Variants in IQSEC1 observed in about 807,000 individuals in gnomAD.
IQSEC1 encodes IQ motif and SEC7 domain-containing protein 1.
IQSEC1 carries 31 observed loss-of-function variants against 91.0 expected under a neutral mutation model. The ratio of observed to expected loss-of-function variants is 0.34; its 90% CI spans 0.26 to 0.46. The LOEUF is 0.46. Ranked by LOEUF, IQSEC1 falls within the 20% of genes least tolerant of loss-of-function variation. IQSEC1 has a pLI of 1.00. For missense variants in IQSEC1, 1,388 were observed against 1,575.6 expected, an observed-to-expected ratio of 0.88 and a Z score of 2.02; for synonymous variants, 699 against 662.6, an observed-to-expected ratio of 1.05 and a Z score of -0.84.
Position 12,922,240 on chromosome 3 carries a change from C to A in IQSEC1, c.1733G>T (p.Cys578Phe). 6.3e-7 allele frequency: 1 copy of A among 1,586,848 alleles called. No homozygotes were observed. The highest frequency in any genetic ancestry group is 1.1e-5 in the South Asian group (1 of 89,592). The change falls in exon 5 of 14, where the codon TGC becomes TTC. Residue 578 changes from cysteine to phenylalanine, a missense_variant and splice_region_variant. Around this residue, in one of 2 missense-constraint regions of IQSEC1, gnomAD observed 1,059 missense variants for 1,317.8 expected, o/e 0.80. Coordinates refer to ENST00000613206, the MANE Select transcript of IQSEC1 (RefSeq NM_001134382.3). The surrounding 1 kb of genome is among the most constrained non-coding windows in gnomAD (Gnocchi z 5.1). ...QKQFNRDVLD[C>F]VVDEMDFSTM... is the part of the protein sequence containing the mutation. ...AGAGAAGTCCATCTCGTCCACGACG[C>A]AGCTGGAATAGAGACAGACAGCCCC...
chr3:13,177,101 C>T (rs921261608), intron 1 of IQSEC1, among the ~76,000 whole-genome samples: 5 of 152,234 alleles, frequency 3.3e-5, no homozygotes, highest in East Asian at 1.9e-4. Flanking sequence ...TGGGCTGATG[C>T]GAATGTTCTG....
rs1458254562 is a variant in IQSEC1 at position 13,008,828 on chromosome 3, C to G, written c.23+64164G>C. ...ACAGAGGAGGGGATATCCAGCTAAC[C>G]CAGTGGGAACCAGACACGCTGGCAA... On this transcript the variant is annotated intron_variant, in intron 1 of 13. Transcript: ENST00000613206. The surrounding 1 kb of genome is among the most constrained non-coding windows in gnomAD (Gnocchi z 4.1). Among the ~76,000 whole-genome samples, 1 of 152,196 alleles carries G rather than the reference C, an allele frequency of 6.6e-6. No homozygotes were observed. Among genetic ancestry groups the G allele is most frequent in the African/African-American group, 2.4e-5 (1 of 41,440 alleles).
intron 2 of IQSEC1, among the ~76,000 whole-genome samples, chr3:13,160,550 C>T (rs1329631672): frequency 6.6e-6 from 1 of 152,242 alleles, no homozygotes; most frequent in Non-Finnish European, 1.5e-5. Context: ...CACAGCTTCA[C>T]TGATTTTTCA....
chr3:13,073,160 GCTCCTCCAGGGAGGCT>G lies in IQSEC1; in HGVS notation c.-162_-147del. ...CGAGTCACATTCCCGGGGGTGGCGG[GCTCCTCCAGGGAGGCT>G]GGGGCGGGAGCGGGGGGCGGCGCCA... On this transcript the variant is annotated 5_prime_UTR_variant, in exon 1 of 14. Transcript: ENST00000613206. 3.3e-6 allele frequency: 3 copies of G among 909,714 alleles called. No individual in the cohort carries two copies. Among genetic ancestry groups the G allele is most frequent in the Non-Finnish European group, 5.1e-6 (3 of 591,702 alleles). 56.4% of individuals were successfully genotyped at this position (909,714 alleles called of 1,614,324 possible).
intron 1 of IQSEC1, among the ~76,000 whole-genome samples, chr3:13,177,473 T>C (rs165266): frequency 0.72 from 109,040 of 152,140 alleles, 39,189 homozygotes; most frequent in African/African-American, 0.75. Context: ...GGCACTCCTG[T>C]GAACCTCATC....
chr3:13,158,774 C>A (rs551144020), intron 2 of IQSEC1, among the ~76,000 whole-genome samples: 49 of 152,158 alleles, frequency 3.2e-4, no homozygotes, highest in African/African-American at 1.1e-3. Flanking sequence ...TCAGCCTGGG[C>A]ATCATGACAA....
rs1006044615 is a variant in IQSEC1 at position 12,967,557 on chromosome 3, CACCCGGAG to C, written c.24-25700_24-25693del. The C allele has an allele frequency of 1.5e-6, 2 of 1,358,346 alleles. No homozygotes were observed. The highest frequency in any genetic ancestry group is 1.5e-5 in the African/African-American group (1 of 64,906). The allele number at this position is 1,358,346 out of a possible 1,614,324, so 84.1% of individuals were successfully genotyped here. The stretch of plus-strand genomic sequence containing the variant: ...CCGGATCCCGGGGCCGACACCCGGC[CACCCGGAG>C]ACCCGACCACCCGCCACGCGATCAC... On this transcript the variant is annotated intron_variant, in intron 1 of 13. Coordinates refer to ENST00000613206, the MANE Select transcript of IQSEC1 (RefSeq NM_001134382.3). The surrounding 1 kb of genome is among the most constrained non-coding windows in gnomAD (Gnocchi z 5.9).
intron 1 of IQSEC1, among the ~76,000 whole-genome samples, chr3:13,200,251 AACACACACAC>A (rs111462856): frequency 6.8e-6 from 1 of 147,186 alleles, no homozygotes; most frequent in South Asian, 2.2e-4. Flanking sequence ...ACCCACATAC[AACACACACAC>A]ACACACACAC....
chr3:13,026,252 C>G (rs1053874983), intron 1 of IQSEC1, among the ~76,000 whole-genome samples: 9 of 152,362 alleles, frequency 5.9e-5, no homozygotes, highest in Admixed American at 3.9e-4. Flanking sequence ...CTCCCCCAAC[C>G]CTCTGGCCCA....
chr3:13,243,608 G>A (rs988233299), intron 1 of IQSEC1, among the ~76,000 whole-genome samples: 8 of 152,178 alleles, frequency 5.3e-5, no homozygotes, highest in African/African-American at 1.9e-4. Flanking sequence ...CGGATGCGCT[G>A]GGCCAGGAGA....
At chr3:13,028,701 T>C (rs1032157100) in intron 1 of IQSEC1, among the ~76,000 whole-genome samples, 12 of 152,186 alleles carry the variant, frequency 7.9e-5, no homozygotes, top group Non-Finnish European at 1.5e-4. Flanking sequence ...CTTTCAGCCA[T>C]GGGGAGGGCA....
intron 1 of IQSEC1, among the ~76,000 whole-genome samples, chr3:13,050,735 A>G (rs1704661748): frequency 6.6e-6 from 1 of 152,218 alleles, no homozygotes; most frequent in South Asian, 2.1e-4. Context: ...ATACATTTAA[A>G]AGGCTTAAAA....
intron 1 of IQSEC1, among the ~76,000 whole-genome samples, chr3:13,188,390 G>A (rs1693968470): frequency 1.3e-5 from 2 of 152,198 alleles, no homozygotes; most frequent in Admixed American, 1.3e-4. Flanking sequence ...CTGCAGGGAG[G>A]ATCACGGTAA....
At chr3:13,073,554 CGCTCGGCTGCGCCCTCGCG>C (rs1705505743), upstream of IQSEC1, among the ~76,000 whole-genome samples, 1 of 151,630 alleles carries the variant, frequency 6.6e-6, no homozygotes, top group Admixed American at 6.5e-5. Context: ...CAGGCGCGGC[CGCTCGGCTGCGCCCTCGCG>C]GCAAAGTCAC....
intron 1 of IQSEC1, among the ~76,000 whole-genome samples, chr3:13,206,983 G>A (rs962960662): frequency 1.3e-4 from 20 of 151,958 alleles, no homozygotes; most frequent in African/African-American, 4.8e-4. Flanking sequence ...CCCAGCTCCC[G>A]GCACCTCCCG....
intron 1 of IQSEC1, among the ~76,000 whole-genome samples, chr3:12,980,460 T>C (rs1257959226): frequency 3.3e-5 from 5 of 152,250 alleles, no homozygotes; most frequent in African/African-American, 1.2e-4. Context: ...ATTGTTTCTC[T>C]AGCAATTTCC....
chr3:12,997,511 G>A lies in IQSEC1; in HGVS notation c.24-55646C>T, dbSNP rs138534226. ...ATCAGGTTTGCAGTGCTTAATGATG[G>A]GGATACATTCTGAGAAATGTGTCCT... On this transcript the variant is annotated intron_variant, in intron 1 of 13. Coordinates refer to ENST00000613206, the MANE Select transcript of IQSEC1 (RefSeq NM_001134382.3). Among the ~76,000 whole-genome samples the A allele has an allele frequency of 2.8e-4, 42 of 152,254 alleles. 2 individuals are homozygous for A. The East Asian group carries it at 7.7e-3, about 28-fold the overall frequency.
Position 12,911,732 on chromosome 3 carries a change from G to C in IQSEC1, c.2317-4C>G. The C allele has an allele frequency of 1.2e-6, 2 of 1,601,852 alleles. No individual in the cohort carries two copies. Among genetic ancestry groups the C allele is most frequent in the Non-Finnish European group, 1.7e-6 (2 of 1,170,854 alleles). On this transcript the variant is annotated splice_region_variant and splice_polypyrimidine_tract_variant and intron_variant, in intron 9 of 13. Coordinates refer to ENST00000613206, the MANE Select transcript of IQSEC1 (RefSeq NM_001134382.3). ...TCTTCTGGAAGATCTTGGTGACCTA[G>C]AGGCAGCCAGAGACAGAGCTGAGCT...
chr3:12,920,649 C>T, intron 5 of IQSEC1, 53 bp from the exon 6 acceptor site: 4 of 1,564,234 alleles, frequency 2.6e-6, no homozygotes, highest in Non-Finnish European at 3.5e-6. Context: ...GTGACACGGC[C>T]CCTCTCTCAC....
Sources: allele counts gnomAD v4.1 joint callset (sites outside exome capture counted in the v4.1 genomes callset), GRCh38; gene constraint gnomAD v4.1.1; regional missense constraint gnomAD v4.1.1; non-coding constraint Gnocchi (gnomAD v3.1); transcripts MANE v1.5; gene names NCBI Gene and HGNC (gene_info 2026-07-23, HGNC 2026-07-21).